Variants in TANC2 observed in about 807,000 individuals in gnomAD.
TANC2 encodes tetratricopeptide repeat, ankyrin repeat and coiled-coil containing 2, also known as protein TANC2.
Under a neutral mutation model 210.5 loss-of-function variants are expected in TANC2, and 26 were observed. The ratio of observed to expected loss-of-function variants is 0.12; its 90% confidence interval spans 0.09 to 0.17. TANC2 has a LOEUF of 0.17. Among genes scored for constraint, TANC2 ranks in the 10% least tolerant of loss-of-function variants. TANC2 has a pLI of 1.00. For synonymous variants in TANC2, 931 were observed against 967.1 expected (o/e 0.96, Z 0.69); for missense variants, 2,129 against 2,608.9 (o/e 0.82, Z 4.01).
intron 21 of TANC2, among the ~76,000 whole-genome samples, chr17:63,407,180 G>A (rs983384117): frequency 5.9e-5 from 9 of 152,216 alleles, no homozygotes; most frequent in African/African-American, 9.6e-5. Flanking sequence ...ATCTTTAGCT[G>A]TATCCCTTAA....
intron 7 of TANC2, among the ~76,000 whole-genome samples, chr17:63,226,429 T>G (rs2145971496): frequency 6.6e-6 from 1 of 152,318 alleles, no homozygotes; most frequent in Admixed American, 6.5e-5. Context: ...TCTCTGTCAT[T>G]CTAGCCAGTG....
chr17:63,219,572 G>A (rs1218259195), intron 7 of TANC2, among the ~76,000 whole-genome samples: 3 of 152,020 alleles, frequency 2.0e-5, no homozygotes, highest in Admixed American at 6.6e-5. Flanking sequence ...CACCATGCCC[G>A]GCTAATTTTT....
intron 1 of TANC2, among the ~76,000 whole-genome samples, chr17:62,996,734 T>G (rs2033126548): frequency 6.6e-6 from 1 of 151,660 alleles, no homozygotes; most frequent in East Asian, 1.9e-4. Context: ...TCTCTCTTCG[T>G]TTTTTTTGAG....
intron 8 of TANC2, among the ~76,000 whole-genome samples, chr17:63,255,980 A>C (rs1256234000): frequency 7.2e-6 from 1 of 138,438 alleles, no homozygotes; most frequent in Non-Finnish European, 1.5e-5. Flanking sequence ...ATCCCAGCTC[A>C]TTGCAACCTC....
Position 63,399,489 on chromosome 17 carries a change from C to G in TANC2, c.3331+575C>G, listed in dbSNP as rs181685617. Among the ~76,000 whole-genome samples the G allele has an allele frequency of 1.9e-3, 286 of 152,294 alleles. 1 individual carries two copies. The highest frequency in any genetic ancestry group is 6.6e-3 in the African/African-American group (275 of 41,556). On this transcript the variant is annotated intron_variant, in intron 19 of 27. Coordinates refer to ENST00000689528, the Ensembl canonical transcript of TANC2. The stretch of plus-strand genomic sequence containing the variant: ...GTAGCAAATCAGTTTCTGTATCGTT[C>G]GGTACAATGCAAACAGAAGCCTCTT...
Position 62,974,726 on chromosome 17 carries a change from A to G in TANC2, c.-24+7977A>G, listed in dbSNP as rs546100049. On this transcript the variant is annotated intron_variant, in intron 1 of 27. Coordinates refer to ENST00000689528, the Ensembl canonical transcript of TANC2. The stretch of plus-strand genomic sequence containing the variant: ...AGTTCAAAAACATATGTACCATACT[A>G]TTAATATTTGCCACTTCCCTGAAGT... Among the ~76,000 whole-genome samples, 39 of 152,324 alleles carry G rather than the reference A, an allele frequency of 2.6e-4. 1 individual carries two copies. The South Asian group carries it at 8.1e-3, about 32-fold the overall frequency.
rs537757990 is a variant in TANC2, at chr17:63,089,365, T to C, written c.140-9810T>C. On this transcript the variant is annotated intron_variant, in intron 3 of 27. Coordinates refer to ENST00000689528, the Ensembl canonical transcript of TANC2. ...GAAAGTCCCTACTGTTAAGATACTT[T>C]CATTCTGGAGGAGTGAGAGAAATAA... 3.3e-5 allele frequency among the ~76,000 whole-genome samples: 5 copies of C among 152,288 alleles called. No individual in the cohort carries two copies. The South Asian group carries it at 1.0e-3, about 32-fold the overall frequency.
At chr17:63,096,190 A>T (rs759661503) in intron 3 of TANC2, among the ~76,000 whole-genome samples, 3 of 152,190 alleles carry the variant, frequency 2.0e-5, no homozygotes, top group Non-Finnish European at 2.9e-5. Flanking sequence ...AGAGAAAGAG[A>T]CTTGAAAAGT....
intron 1 of TANC2, among the ~76,000 whole-genome samples, chr17:62,973,810 A>G (rs1044225628): frequency 1.3e-5 from 2 of 152,218 alleles, no homozygotes; most frequent in Admixed American, 1.3e-4. Context: ...AATGGTTTTT[A>G]CAATTTTAAG....
At chr17:63,012,557 G>GC (rs5821379) in intron 2 of TANC2, among the ~76,000 whole-genome samples, 77,298 of 151,846 alleles carry the variant, frequency 0.51, 21,119 homozygotes, top group African/African-American at 0.71. Flanking sequence ...ACTTAGATAT[G>GC]CCCATATATT....
At chr17:63,138,189 A>G (rs946858609) in intron 4 of TANC2, among the ~76,000 whole-genome samples, 1 of 152,150 alleles carries the variant, frequency 6.6e-6, no homozygotes, top group Non-Finnish European at 1.5e-5. Flanking sequence ...AGAGAATCCA[A>G]CAAAGAACTC....
At chr17:63,406,405 G>A (rs2048509037) in intron 21 of TANC2, 128 bp downstream of exon 21, 5 of 1,299,354 alleles carry the variant, frequency 3.8e-6, no homozygotes, top group Admixed American at 2.0e-5. Flanking sequence ...AAAATGAAAG[G>A]CTATCTCCTC....
intron 5 of TANC2, among the ~76,000 whole-genome samples, chr17:63,187,761 A>G (rs1322834024): frequency 6.6e-6 from 1 of 152,134 alleles, no homozygotes; most frequent in Non-Finnish European, 1.5e-5. Flanking sequence ...AACTATTAAA[A>G]TCAGTCAGAA....
Position 63,139,090 on chromosome 17 carries a change from A to G in TANC2, c.323-12180A>G, listed in dbSNP as rs188984426. On this transcript the variant is annotated intron_variant, in intron 4 of 27. Coordinates refer to ENST00000689528, the Ensembl canonical transcript of TANC2. ...CTCTGATTATCTATCTCATCAAATG[A>G]CTAGATTGCTCAAATAATTATGTCT... 1.4e-4 allele frequency among the ~76,000 whole-genome samples: 21 copies of G among 152,356 alleles called. 1 individual carries two copies. In the East Asian group the frequency reaches 3.9e-3, roughly 28 times the overall value.
intron 24 of TANC2, 47 bp from the exon 25 acceptor site, chr17:63,413,496 T>A (rs754512387): frequency 1.3e-6 from 2 of 1,491,164 alleles, no homozygotes; most frequent in Non-Finnish European, 1.8e-6. Flanking sequence ...CCTACCACCC[T>A]TACATTGTAT....
chr17:63,289,978 G>C (rs1307675392), intron 9 of TANC2, among the ~76,000 whole-genome samples: 1 of 152,108 alleles, frequency 6.6e-6, no homozygotes, highest in Admixed American at 6.5e-5. Context: ...ACTAGAGTGG[G>C]AGACAGTTGG....
chr17:63,071,203 T>C (rs1046731380), intron 2 of TANC2, among the ~76,000 whole-genome samples: 1 of 152,182 alleles, frequency 6.6e-6, no homozygotes, highest in South Asian at 2.1e-4. Context: ...TTCATAGATG[T>C]GGGGAATAGA....
At chr17:63,252,985 C>G (rs1234572180) in intron 8 of TANC2, among the ~76,000 whole-genome samples, 1 of 152,126 alleles carries the variant, frequency 6.6e-6, no homozygotes, top group African/African-American at 2.4e-5. Context: ...GGGTATATAC[C>G]TAGCAGTGGA....
At chr17:63,257,828 A>G (rs1598722921) in intron 8 of TANC2, among the ~76,000 whole-genome samples, 1 of 152,302 alleles carries the variant, frequency 6.6e-6, no homozygotes, top group East Asian at 1.9e-4. Flanking sequence ...ATCTTATACT[A>G]TCTATGTCTT....
Sources: allele counts gnomAD v4.1 joint callset (sites outside exome capture counted in the v4.1 genomes callset), GRCh38; gene constraint gnomAD v4.1.1; transcripts MANE v1.5; gene names NCBI Gene and HGNC (gene_info 2026-07-23, HGNC 2026-07-21).